VEPH1: variants seen among roughly 807,000 people sequenced by gnomAD.
The protein encoded by VEPH1 is ventricular zone-expressed PH domain-containing protein homolog 1.
A neutral mutation model predicts 85.2 loss-of-function variants in VEPH1; 80 were observed. That is an observed-to-expected ratio of 0.94 (90% CI 0.78 to 1.13). The LOEUF (loss-of-function observed/expected upper bound fraction) is 1.13. VEPH1 is among the 50% of genes most tolerant of loss of function. The pLI is 0.00. For synonymous variants in VEPH1, 297 were observed against 348.0 expected (o/e 0.85, Z 1.63); for missense variants, 955 against 980.5 (o/e 0.97, Z 0.35).
intron 6 of VEPH1, among the ~76,000 whole-genome samples, chr3:157,397,353 T>C (rs903826667): frequency 6.6e-6 from 1 of 152,218 alleles, no homozygotes; most frequent in African/African-American, 2.4e-5. Flanking sequence ...CAGTTTGAAG[T>C]TGGATGGCGT....
chr3:157,318,227 A>AT (rs1489566077), intron 9 of VEPH1, among the ~76,000 whole-genome samples: 1 of 152,112 alleles, frequency 6.6e-6, no homozygotes, highest in African/African-American at 2.4e-5. Flanking sequence ...TATACTGGGG[A>AT]TTTTTTTAAT....
chr3:157,408,463 A>G lies in VEPH1; in HGVS notation c.906+5418T>C, dbSNP rs1334398079. On this transcript the variant is annotated intron_variant, in intron 6 of 13. Transcript: ENST00000362010. ...GTTCAAGTGAGAAATCAACCCTCAA[A>G]TTCTTAATTACCAGTATTCTCAAGT... is the stretch of plus-strand genomic sequence containing the variant. 5.9e-5 allele frequency among the ~76,000 whole-genome samples: 9 copies of G among 152,266 alleles called. No individual in the cohort carries two copies. The South Asian group carries it at 1.7e-3, about 28-fold the overall frequency.
At position 157,498,781 on chromosome 3, in the gene VEPH1, G is replaced by A. The variant is rs191132795; in HGVS notation, c.-157-3275C>T. 8.5e-5 allele frequency among the ~76,000 whole-genome samples: 13 copies of A among 152,250 alleles called. No individual in the cohort carries two copies. The East Asian group carries it at 2.3e-3, about 27-fold the overall frequency. On this transcript the variant is annotated intron_variant, in intron 1 of 13. Transcript: ENST00000362010. Reference sequence around the variant, plus strand: ...TCCTGCTGTTCTTTTTGCAATAGCAGGGAAGGTCAAAGCCAGATCAAATTC... The same window carrying A: ...TCCTGCTGTTCTTTTTGCAATAGCAAGGAAGGTCAAAGCCAGATCAAATTC...
intron 12 of VEPH1, among the ~76,000 whole-genome samples, chr3:157,269,642 G>GTTTTTTTTTTTTTTT (rs11408861): frequency 1.2e-3 from 140 of 115,384 alleles, no homozygotes; most frequent in East Asian, 1.7e-3. Flanking sequence ...TGTTTTTGTT[G>GTTTTTTTTTTTTTTT]TTTTTTTTTT....
chr3:157,371,386 A>G lies in VEPH1; in HGVS notation c.1128-6874T>C, dbSNP rs544310587. ...ACACTTCTAATTCAGATGCCCAATC[A>G]TTTGCTCACTTTTCAGTTATTTAAC... On this transcript the variant is annotated intron_variant, in intron 7 of 13. Transcript: ENST00000362010. Among the ~76,000 whole-genome samples, 34 of 152,336 alleles carry G rather than the reference A, an allele frequency of 2.2e-4. 1 individual carries two copies. The highest frequency in any genetic ancestry group is 8.2e-4 in the African/African-American group (34 of 41,568).
chr3:157,343,149 C>G (rs1401686768), intron 9 of VEPH1, among the ~76,000 whole-genome samples: 19 of 152,040 alleles, frequency 1.2e-4, no homozygotes, highest in Non-Finnish European at 1.9e-4. Context: ...CATTCAAAAC[C>G]TAGCAGAAGG....
intron 1 of VEPH1, among the ~76,000 whole-genome samples, chr3:157,498,316 C>T (rs1249241906): frequency 2.0e-5 from 3 of 152,138 alleles, no homozygotes; most frequent in African/African-American, 4.8e-5. Flanking sequence ...ATACACACCT[C>T]GTCTATTTCA....
At position 157,428,501 on chromosome 3, in the gene VEPH1, C is replaced by A; in HGVS notation, c.530-13G>T. 1.2e-6 allele frequency: 2 copies of A among 1,611,538 alleles called. No homozygotes were observed. Among genetic ancestry groups the A allele is most frequent in the South Asian group, 1.1e-5 (1 of 90,896 alleles). On this transcript the variant is annotated splice_polypyrimidine_tract_variant and intron_variant, in intron 4 of 13. Coordinates refer to ENST00000362010, the MANE Select transcript of VEPH1 (RefSeq NM_001167912.2). ...AACATGGTGTTACCTGTTGAGGGAA[C>A]AATAAAGGGAATGATGACTTTATCA...
At chr3:157,484,628 G>A (rs1309256252) in intron 2 of VEPH1, among the ~76,000 whole-genome samples, 1 of 152,158 alleles carries the variant, frequency 6.6e-6, no homozygotes, top group Non-Finnish European at 1.5e-5. Flanking sequence ...ATAGTTTCAA[G>A]GGTATTACAC....
chr3:157,455,715 T>C (rs1474973159), intron 4 of VEPH1, among the ~76,000 whole-genome samples: 1 of 152,228 alleles, frequency 6.6e-6, no homozygotes, highest in African/African-American at 2.4e-5. Flanking sequence ...CTAAGGATAA[T>C]AGCCTCTGGC....
At chr3:157,307,539 C>G (rs1204710366) in intron 11 of VEPH1, among the ~76,000 whole-genome samples, 1 of 151,856 alleles carries the variant, frequency 6.6e-6, no homozygotes, top group Non-Finnish European at 1.5e-5. Flanking sequence ...TGTAATCCCC[C>G]TTCTATCACC....
At chr3:157,314,384 A>C (rs34781382) in intron 10 of VEPH1, among the ~76,000 whole-genome samples, 1 of 150,584 alleles carries the variant, frequency 6.6e-6, no homozygotes, top group East Asian at 1.9e-4. Context: ...AAGATCAAAC[A>C]TATGATATAT....
chr3:157,388,879 G>A (rs2108904239), intron 6 of VEPH1, among the ~76,000 whole-genome samples: 1 of 152,256 alleles, frequency 6.6e-6, no homozygotes, highest in East Asian at 1.9e-4. Flanking sequence ...TAAGTGATTT[G>A]AGTATCCTTG....
At chr3:157,355,550 G>A (rs914885941) in intron 9 of VEPH1, among the ~76,000 whole-genome samples, 2 of 152,226 alleles carry the variant, frequency 1.3e-5, no homozygotes, top group African/African-American at 2.4e-5. Context: ...CAACATTCTT[G>A]TGCGTTGAGG....
At chr3:157,318,601 C>T (rs57038071) in intron 9 of VEPH1, among the ~76,000 whole-genome samples, 4,331 of 142,356 alleles carry the variant, frequency 0.03, 213 homozygotes, top group African/African-American at 0.11. Flanking sequence ...AGAAATACTC[C>T]GTCCCAAAAA....
intron 12 of VEPH1, among the ~76,000 whole-genome samples, chr3:157,270,576 T>C (rs1714413871): frequency 6.6e-6 from 1 of 152,192 alleles, no homozygotes; most frequent in Non-Finnish European, 1.5e-5. Flanking sequence ...GTTGGTCTTA[T>C]TCAACATGAA....
intron 4 of VEPH1, chr3:157,436,904 C>T: frequency 6.2e-7 from 1 of 1,607,854 alleles, no homozygotes; most frequent in South Asian, 1.1e-5. Flanking sequence ...CTCCCGCCAG[C>T]TGTGGAAAGA....
rs1732297063 is a variant in VEPH1 at position 157,421,066 on chromosome 3, G to C, written c.697-6976C>G. Among the ~76,000 whole-genome samples, 4 of 152,276 alleles carry C rather than the reference G, an allele frequency of 2.6e-5. 1 individual carries two copies. In the South Asian group the frequency reaches 8.3e-4, roughly 32 times the overall value. On this transcript the variant is annotated intron_variant, in intron 5 of 13. Transcript: ENST00000362010. ...AGTTATAAATTACTAGCCAGGAACTGCCTCCTTCCATCTGGCAAGGATAGT... is the reference window on the plus strand; with the variant it reads ...AGTTATAAATTACTAGCCAGGAACTCCCTCCTTCCATCTGGCAAGGATAGT...
intron 2 of VEPH1, among the ~76,000 whole-genome samples, chr3:157,480,433 T>C (rs1737928488): frequency 6.6e-6 from 1 of 152,042 alleles, no homozygotes; most frequent in African/African-American, 2.4e-5. Flanking sequence ...CAATAGGAAG[T>C]TTTTCATTCC....
Sources: allele counts gnomAD v4.1 joint callset (sites outside exome capture counted in the v4.1 genomes callset), GRCh38; gene constraint gnomAD v4.1.1; transcripts MANE v1.5; gene names NCBI Gene and HGNC (gene_info 2026-07-23, HGNC 2026-07-21).